Variants in UGT1A4 observed in about 807,000 individuals in gnomAD.
The protein encoded by UGT1A4 is UDP glucuronosyltransferase family 1 member A4, also known as UDP-glucuronosyltransferase 1A4.
UGT1A4 carries 32 observed loss-of-function variants against 41.1 expected under a neutral mutation model. That is an observed-to-expected ratio of 0.78 (90% CI 0.59 to 1.05). The LOEUF (loss-of-function observed/expected upper bound fraction) is 1.05. Ranked by LOEUF, UGT1A4 falls within the 50% of genes least tolerant of loss-of-function variation. The pLI, the probability that UGT1A4 is intolerant of heterozygous loss-of-function variation, is 0.00. For synonymous variants in UGT1A4, 283 were observed against 265.1 expected, an observed-to-expected ratio of 1.07 and a Z score of -0.66; for missense variants, 748 against 677.4, an observed-to-expected ratio of 1.10 and a Z score of -1.16.
At chr2:233,764,935 G>T (rs1212843122) in intron 1 of UGT1A4, among the ~76,000 whole-genome samples, 1 of 152,204 alleles carries the variant, frequency 6.6e-6, no homozygotes, top group Non-Finnish European at 1.5e-5. Context: ...GGGCTGGTGA[G>T]AGTGGCGGGG....
Position 233,725,052 on chromosome 2 carries a change from C to T in UGT1A4, c.867+5365C>T, listed in dbSNP as rs575446926. ...CTCCACCAAAACCAGTCAGGCGTGG[C>T]GGCGCGCGCCTGCAATCGCAGGCAC... On this transcript the variant is annotated intron_variant, in intron 1 of 4. Coordinates refer to ENST00000373409, the MANE Select transcript of UGT1A4 (RefSeq NM_007120.3). Among the ~76,000 whole-genome samples the T allele has an allele frequency of 7.1e-4, 105 of 147,652 alleles. 7 individuals are homozygous for T. The highest frequency in any genetic ancestry group is 1.2e-3 in the Non-Finnish European group (79 of 67,134).
At position 233,719,141 on chromosome 2, in the gene UGT1A4, G is replaced by C; in HGVS notation, c.321G>C (p.Leu107=). ...GGTTCTTTGAAACAGAACATCTTCT[G>C]AAGAGATATTCTAGAAGTATGGCAA... ...TQGFFETEHL[L]KRYSRSMAIM... The change falls in exon 1 of 5, where the codon CTG becomes CTC. Residue 107 remains leucine, a synonymous_variant. Coordinates refer to ENST00000373409, the MANE Select transcript of UGT1A4 (RefSeq NM_007120.3). 1 of 1,614,274 alleles carries C rather than the reference G, an allele frequency of 6.2e-7. No homozygotes were observed. Among genetic ancestry groups the C allele is most frequent in the Non-Finnish European group, 8.5e-7 (1 of 1,180,050 alleles).
At chr2:233,754,933 C>CAAAGG (rs1267849400) in intron 1 of UGT1A4, 2 of 1,344,048 alleles carry the variant, frequency 1.5e-6, no homozygotes, top group African/African-American at 3.0e-5. Flanking sequence ...CCCAAGAGGT[C>CAAAGG]AAAGGAGAAT....
At chr2:233,751,514 C>T (rs1694746384) in intron 1 of UGT1A4, among the ~76,000 whole-genome samples, 1 of 152,154 alleles carries the variant, frequency 6.6e-6, no homozygotes, top group Non-Finnish European at 1.5e-5. Context: ...GGCCAGAGGG[C>T]AGAATGATAT....
At chr2:233,757,559 T>TATATATATACATATAC in intron 1 of UGT1A4, among the ~76,000 whole-genome samples, 4 of 124,406 alleles carry the variant, frequency 3.2e-5, no homozygotes, top group Non-Finnish European at 3.3e-5. Context: ...TATATATATA[T>TATATATATACATATAC]ATGTATATAT....
intron 1 of UGT1A4, among the ~76,000 whole-genome samples, chr2:233,746,867 A>G (rs1013887537): frequency 6.6e-6 from 1 of 151,064 alleles, no homozygotes; most frequent in Non-Finnish European, 1.5e-5. Context: ...CAGCCTGATA[A>G]ACGTGGTTAA....
intron 1 of UGT1A4, chr2:233,760,709 C>A (rs774109568): frequency 6.2e-7 from 1 of 1,614,204 alleles, no homozygotes; most frequent in African/African-American, 1.3e-5. Flanking sequence ...GCCTCCCTGG[C>A]AGAAAGCAGC....
Position 233,772,276 on chromosome 2 carries a change from T to C in UGT1A4, c.1322T>C (p.Ile441Thr). 6.2e-7 allele frequency: 1 copy of C among 1,614,240 alleles called. No homozygotes were observed. The highest frequency in any genetic ancestry group is 8.5e-7 in the Non-Finnish European group (1 of 1,180,050). ...VINDKSYKEN[I>T]MRLSSLHKDR... ...TTTGTGTTTAGTTACAAGGAGAACA[T>C]CATGCGCCTCTCCAGCCTTCACAAG... The change falls in exon 5 of 5, where the codon ATC (isoleucine) becomes ACC (threonine). Residue 441 changes from isoleucine to threonine, a missense_variant. By Grantham distance (89) the Ile-to-Thr change is moderately conservative. Coordinates refer to ENST00000373409, the MANE Select transcript of UGT1A4 (RefSeq NM_007120.3).
intron 1 of UGT1A4, chr2:233,747,256 G>T: frequency 6.2e-7 from 1 of 1,600,772 alleles, no homozygotes; most frequent in Non-Finnish European, 8.5e-7. Flanking sequence ...GCTGGCCACA[G>T]GAGTGCTACT....
chr2:233,736,247 TA>T (rs1432659624), intron 1 of UGT1A4, among the ~76,000 whole-genome samples: 1 of 152,216 alleles, frequency 6.6e-6, no homozygotes, highest in Non-Finnish European at 1.5e-5. Context: ...CTTCTCACTT[TA>T]TTTCATTAAT....
In UGT1A4 at chr2:233,739,366, G is replaced by T. The variant is rs191477827; in HGVS notation, c.867+19679G>T. 3.4e-3 allele frequency among the ~76,000 whole-genome samples: 523 copies of T among 152,270 alleles called. 13 individuals carry two copies. Among genetic ancestry groups the T allele is most frequent in the East Asian group, 3.5e-3 (18 of 5,178 alleles). On this transcript the variant is annotated intron_variant, in intron 1 of 4. Transcript: ENST00000373409. Reference sequence around the variant, plus strand: ...CCCAGAAGGGCAGATCCAATAGCTTGCACTGTGTGCCTGGAAGAGCCACAG... The same window carrying T: ...CCCAGAAGGGCAGATCCAATAGCTTTCACTGTGTGCCTGGAAGAGCCACAG...
intron 1 of UGT1A4, among the ~76,000 whole-genome samples, chr2:233,727,843 T>A (rs768506184): frequency 1.3e-4 from 19 of 151,996 alleles, no homozygotes; most frequent in Non-Finnish European, 2.6e-4. Context: ...CAATGTGGAG[T>A]AATTTCCTCC....
chr2:233,757,450 T>C (rs1696530836), intron 1 of UGT1A4, among the ~76,000 whole-genome samples: 1 of 150,428 alleles, frequency 6.6e-6, no homozygotes, highest in African/African-American at 2.5e-5. Context: ...TACAGAAACA[T>C]GTCCAGAGCG....
At chr2:233,747,969 T>G in intron 1 of UGT1A4, 1 of 1,613,504 alleles carries the variant, frequency 6.2e-7, no homozygotes. Flanking sequence ...CAGCCATGCA[T>G]CTGTGTGGCT....
intron 1 of UGT1A4, among the ~76,000 whole-genome samples, chr2:233,730,265 T>C (rs547052963): frequency 2.0e-5 from 3 of 152,104 alleles, no homozygotes; most frequent in East Asian, 3.9e-4. Context: ...AGACTGTTGG[T>C]TTGTAAAGGC....
At position 233,741,549 on chromosome 2, in the gene UGT1A4, A is replaced by G. The variant is rs1414651717; in HGVS notation, c.867+21862A>G. 1.3e-5 allele frequency: 2 copies of G among 151,888 alleles called. 1 individual carries two copies. The highest frequency in any genetic ancestry group is 4.9e-5 in the African/African-American group (2 of 41,148). 9.4% of individuals were successfully genotyped at this position (151,888 alleles called of 1,614,324 possible). A position where few individuals can be genotyped will look rare whatever the true frequency, so the allele number is the denominator to read the frequency against. ...TCTGTCTTATTCTGATACTTCTTTT[A>G]TGGTTATTGTATGAGAATCAACTAC... On this transcript the variant is annotated intron_variant, in intron 1 of 4. Transcript: ENST00000373409.
At chr2:233,765,000 T>A (rs907940038) in intron 1 of UGT1A4, among the ~76,000 whole-genome samples, 1 of 152,020 alleles carries the variant, frequency 6.6e-6, no homozygotes. Context: ...TTCCTGGTCA[T>A]GTTCCAAATC....
rs200710764 is a variant in UGT1A4, at chr2:233,747,984, C to T, written c.868-19050C>T. ...CAGCCATGCATCTGTGTGGCTGTTC[C>T]GAGGGGACTTTGTGATGGATTACCC... On this transcript the variant is annotated intron_variant, in intron 1 of 4. Transcript: ENST00000373409. 917 of 1,613,424 alleles carry T rather than the reference C, an allele frequency of 5.7e-4. 5 individuals carry two copies. The highest frequency in any genetic ancestry group is 6.2e-4 in the Non-Finnish European group (735 of 1,179,898).
rs112628426 is a variant in UGT1A4 at position 233,767,948 on chromosome 2, G to A, written c.1087+12G>A. ...AAACGATCTGCTTGGTATGTTGGGC[G>A]GATTGGATGTATAGGTCAAACCAGG... On this transcript the variant is annotated intron_variant, in intron 3 of 4. Transcript: ENST00000373409. 87 of 1,614,164 alleles carry A rather than the reference G, an allele frequency of 5.4e-5. No individual in the cohort carries two copies. The highest frequency in any genetic ancestry group is 6.2e-5 in the Non-Finnish European group (73 of 1,180,040).
Sources: allele counts gnomAD v4.1 joint callset (sites outside exome capture counted in the v4.1 genomes callset), GRCh38; gene constraint gnomAD v4.1.1; transcripts MANE v1.5; gene names NCBI Gene and HGNC (gene_info 2026-07-23, HGNC 2026-07-21).